Variants in CERS6 observed in about 807,000 individuals in gnomAD.
CERS6 encodes the protein ceramide synthase 6.
CERS6 carries 26 observed loss-of-function variants against 56.8 expected under a neutral mutation model. That is an observed-to-expected ratio of 0.46 (90% CI 0.34 to 0.63). The LOEUF is 0.63. Ranked by LOEUF, CERS6 falls within the 30% of genes least tolerant of loss-of-function variation. CERS6 has a pLI of 0.01. For synonymous variants in CERS6, 164 were observed against 173.3 expected, an observed-to-expected ratio of 0.95 and a Z score of 0.42; for missense variants, 415 against 467.5, an observed-to-expected ratio of 0.89 and a Z score of 1.04.
Position 168,765,756 on chromosome 2 carries a change from A to G in CERS6, c.1002+8A>G, listed in dbSNP as rs186536229. ...GCTGTTTCAAGAGGCAAGGTAAGCTACAACTCACTTTTTCCAATATGTCTT... is the reference window on the plus strand; with the variant it reads ...GCTGTTTCAAGAGGCAAGGTAAGCTGCAACTCACTTTTTCCAATATGTCTT... On this transcript the variant is annotated splice_region_variant and intron_variant, in intron 9 of 9. Transcript: ENST00000305747. The G allele has an allele frequency of 1.3e-4, 214 of 1,603,608 alleles. No homozygotes were observed. The African/African-American group carries it at 2.6e-3, about 19-fold the overall frequency.
intron 1 of CERS6, among the ~76,000 whole-genome samples, chr2:168,514,556 T>C (rs181311614): frequency 1.1e-3 from 172 of 152,354 alleles, no homozygotes; most frequent in Non-Finnish European, 1.8e-3. Context: ...CAAATTCAAG[T>C]GGCTTTGGGG....
rs767951333 is a variant in CERS6, at chr2:168,691,084, G to A, written c.516G>A (p.Gln172=). Residue 172 remains glutamine (Q), a splice_region_variant and synonymous_variant, in exon 5 of 10, where the codon CAG becomes CAA. Coordinates refer to ENST00000305747, the MANE Select transcript of CERS6 (RefSeq NM_203463.3). Reference sequence around the variant, plus strand: ...ATTGCTGGTACAACTACCCCTATCAGGTAAGGAGGCATTATTGTCTGGGTT... The same window carrying A: ...ATTGCTGGTACAACTACCCCTATCAAGTAAGGAGGCATTATTGTCTGGGTT... ...TRHCWYNYPY[Q]PLTTDLHYYY... 1.2e-6 allele frequency: 2 copies of A among 1,612,888 alleles called. No homozygotes were observed. Among genetic ancestry groups the A allele is most frequent in the South Asian group, 2.2e-5 (2 of 91,046 alleles).
intron 3 of CERS6, among the ~76,000 whole-genome samples, chr2:168,608,067 A>T (rs1166546440): frequency 6.6e-6 from 1 of 152,230 alleles, no homozygotes; most frequent in Non-Finnish European, 1.5e-5. Context: ...TCCCAGTCCC[A>T]GGCAACCACC....
intron 1 of CERS6, among the ~76,000 whole-genome samples, chr2:168,490,234 G>A (rs1229001183): frequency 6.6e-6 from 1 of 152,142 alleles, no homozygotes; most frequent in Non-Finnish European, 1.5e-5. Flanking sequence ...TTCATGTTCA[G>A]AATTAGGGGA....
At chr2:168,577,793 G>A (rs570598886) in intron 3 of CERS6, among the ~76,000 whole-genome samples, 2 of 152,316 alleles carry the variant, frequency 1.3e-5, no homozygotes, top group East Asian at 3.9e-4. Flanking sequence ...GAGTGAAGAG[G>A]GAGGAGGAAG....
chr2:168,520,801 G>A (rs1225460103), intron 1 of CERS6, among the ~76,000 whole-genome samples: 1 of 150,918 alleles, frequency 6.6e-6, no homozygotes. Context: ...ATAGAGAAGG[G>A]GTTTCACCAT....
At chr2:168,477,216 A>AGAGT (rs1694093726) in intron 1 of CERS6, among the ~76,000 whole-genome samples, 2 of 128,300 alleles carry the variant, frequency 1.6e-5, no homozygotes, top group African/African-American at 3.0e-5. Flanking sequence ...AGAGAGAGAG[A>AGAGT]GAGTCTCATA....
At chr2:168,708,680 C>T (rs1020003056) in intron 6 of CERS6, among the ~76,000 whole-genome samples, 11 of 152,036 alleles carry the variant, frequency 7.2e-5, no homozygotes, top group Admixed American at 7.2e-4. Flanking sequence ...TCATTTGCAT[C>T]GAAGGGAGAA....
At chr2:168,678,158 T>C (rs1290408367) in intron 4 of CERS6, among the ~76,000 whole-genome samples, 1 of 152,204 alleles carries the variant, frequency 6.6e-6, no homozygotes, top group Non-Finnish European at 1.5e-5. Flanking sequence ...TTTTTTACCA[T>C]CAGTACAAAT....
At chr2:168,631,138 G>A (rs1574113120) in intron 4 of CERS6, 96 bp downstream of exon 4, 4 of 555,210 alleles carry the variant, frequency 7.2e-6, no homozygotes, top group African/African-American at 5.9e-5. Context: ...AATATTTTAG[G>A]TAATCATATC....
At chr2:168,609,226 C>T (rs1559018936) in intron 3 of CERS6, among the ~76,000 whole-genome samples, 1 of 152,202 alleles carries the variant, frequency 6.6e-6, no homozygotes, top group Non-Finnish European at 1.5e-5. Context: ...AACTCTTGGG[C>T]TCAAGGGATC....
intron 1 of CERS6, among the ~76,000 whole-genome samples, chr2:168,508,737 G>A (rs889068743): frequency 1.3e-5 from 2 of 152,096 alleles, no homozygotes; most frequent in East Asian, 1.9e-4. Flanking sequence ...GGAGGGGAGA[G>A]CATTAGGAGA....
At position 168,553,278 on chromosome 2, in the gene CERS6, G is replaced by T. The variant is rs55829851; in HGVS notation, c.276+5577G>T. 6.0e-3 allele frequency among the ~76,000 whole-genome samples: 910 copies of T among 152,214 alleles called. 12 individuals carry two copies. Among genetic ancestry groups the T allele is most frequent in the African/African-American group, 0.021 (859 of 41,552 alleles). ...TGTAATAGGAATCCCTTAAGGAAAA[G>T]CAAAATAAAACAATGAATTAAAACA... is the stretch of plus-strand genomic sequence containing the variant. On this transcript the variant is annotated intron_variant, in intron 2 of 9. Coordinates refer to ENST00000305747, the MANE Select transcript of CERS6 (RefSeq NM_203463.3).
At chr2:168,597,662 G>A (rs1683833463) in intron 3 of CERS6, among the ~76,000 whole-genome samples, 1 of 151,978 alleles carries the variant, frequency 6.6e-6, no homozygotes, top group Admixed American at 6.6e-5. Context: ...AAATATTCTG[G>A]GGCCACCTTG....
At chr2:168,769,381 T>G in intron 9 of CERS6, 129 bp from the exon 10 acceptor site, 5 of 802,648 alleles carry the variant, frequency 6.2e-6, no homozygotes, top group Non-Finnish European at 3.8e-6. Flanking sequence ...TCTGGCAATG[T>G]TCTCATCCTC....
chr2:168,542,188 C>T (rs530934791), intron 1 of CERS6, among the ~76,000 whole-genome samples: 4 of 152,174 alleles, frequency 2.6e-5, no homozygotes, highest in African/African-American at 7.2e-5. Context: ...CATTCCTACA[C>T]GACAAAAAGA....
chr2:168,586,158 A>AT (rs559983091), intron 3 of CERS6, among the ~76,000 whole-genome samples: 145 of 137,958 alleles, frequency 1.1e-3, no homozygotes, highest in East Asian at 1.7e-3. Flanking sequence ...TAATTTTTGT[A>AT]TTTTTTTTTT....
chr2:168,688,018 A>G (rs2105357738), intron 4 of CERS6, among the ~76,000 whole-genome samples: 1 of 152,324 alleles, frequency 6.6e-6, no homozygotes, highest in African/African-American at 2.4e-5. Context: ...ATTTGGCTTC[A>G]GATTTTCCAA....
intron 1 of CERS6, among the ~76,000 whole-genome samples, chr2:168,534,893 A>C (rs114554134): frequency 6.6e-6 from 1 of 152,184 alleles, no homozygotes; most frequent in Non-Finnish European, 1.5e-5. Context: ...ATTAGGTCCA[A>C]GGAGATCCGT....
Sources: allele counts gnomAD v4.1 joint callset (sites outside exome capture counted in the v4.1 genomes callset), GRCh38; gene constraint gnomAD v4.1.1; transcripts MANE v1.5; gene names NCBI Gene and HGNC (gene_info 2026-07-23, HGNC 2026-07-21).